The following GRM7 variants were observed in gnomAD, a reference collection of about 807,000 sequenced individuals.
GRM7 encodes the protein glutamate metabotropic receptor 7, also known as metabotropic glutamate receptor 7.
A neutral mutation model predicts 84.5 loss-of-function variants in GRM7; 35 were observed. That is an observed-to-expected ratio of 0.41 (90% CI 0.32 to 0.55). The LOEUF is 0.55. Ranked by LOEUF, GRM7 falls within the 20% of genes least tolerant of loss-of-function variation. GRM7 has a pLI of 0.19. For synonymous variants in GRM7, 487 were observed against 455.1 expected, an observed-to-expected ratio of 1.07 and a Z score of -0.89; for missense variants, 1,003 against 1,194.6, an observed-to-expected ratio of 0.84 and a Z score of 2.36.
At chr3:7,338,009 A>G (rs1027182688) in intron 4 of GRM7, among the ~76,000 whole-genome samples, 14 of 151,972 alleles carry the variant, frequency 9.2e-5, no homozygotes, top group African/African-American at 3.4e-4. Flanking sequence ...CTAAATGCCC[A>G]TCAAACAATG....
intron 2 of GRM7, among the ~76,000 whole-genome samples, chr3:7,286,367 A>G (rs1020807277): frequency 7.9e-5 from 12 of 152,216 alleles, no homozygotes; most frequent in Admixed American, 7.2e-4. Flanking sequence ...GAGAAATTAT[A>G]TGATATCCAC....
At chr3:7,229,743 ATATATATATATATATATT>A (rs1559514581) in intron 2 of GRM7, among the ~76,000 whole-genome samples, 7,973 of 44,642 alleles carry the variant, frequency 0.18, 911 homozygotes, top group Middle Eastern at 0.24. Flanking sequence ...ATATATATAT[ATATATATATATATATATT>A]TTTTTTTTTT....
chr3:7,529,998 T>G (rs560214139), intron 7 of GRM7, among the ~76,000 whole-genome samples: 123 of 152,042 alleles, frequency 8.1e-4, no homozygotes, highest in African/African-American at 2.8e-3. Flanking sequence ...ACGTGCAGGT[T>G]TGTGACATAG....
chr3:7,093,698 AAAAAAAAAAAAAAAAAG>A (rs772636075), intron 1 of GRM7, among the ~76,000 whole-genome samples: 16,866 of 128,554 alleles, frequency 0.13, 2,194 homozygotes, highest in Non-Finnish European at 0.15. Flanking sequence ...AAAAAAAAAA[AAAAAAAAAAAAAAAAAG>A]GTAGTTAGTG....
intron 7 of GRM7, among the ~76,000 whole-genome samples, chr3:7,575,970 G>A (rs1486194756): frequency 6.6e-6 from 1 of 152,132 alleles, no homozygotes; most frequent in Non-Finnish European, 1.5e-5. Flanking sequence ...ATGATAATTT[G>A]TTTATATATT....
chr3:7,576,966 C>T lies in GRM7; in HGVS notation c.1516-1456C>T, dbSNP rs543346088. On this transcript the variant is annotated intron_variant, in intron 7 of 9. Coordinates refer to ENST00000357716, the MANE Select transcript of GRM7 (RefSeq NM_000844.4). ...ATATCCAGGAGCTCAAACAAGCTCA[C>T]CAGTGATCTTTGTCTTTCCACTCAG... 6.6e-5 allele frequency among the ~76,000 whole-genome samples: 10 copies of T among 152,296 alleles called. No individual in the cohort carries two copies. In the East Asian group the frequency reaches 1.7e-3, roughly 26 times the overall value.
At position 7,680,354 on chromosome 3, in the gene GRM7, G is replaced by A. The variant is rs1700315881; in HGVS notation, c.2698+59G>A. 3.8e-6 allele frequency: 6 copies of A among 1,572,644 alleles called. No homozygotes were observed. The East Asian group carries it at 6.7e-5, about 18-fold the overall frequency. On this transcript the variant is annotated intron_variant, in intron 9 of 9. Transcript: ENST00000357716. The stretch of plus-strand genomic sequence containing the variant: ...CCTGCATCAGGAAGCTCTAGAAGAT[G>A]TGGGGTGTGCTTGCCTCTCTGGAGA...
intron 1 of GRM7, among the ~76,000 whole-genome samples, chr3:6,977,554 G>T (rs568787699): frequency 1.1e-4 from 17 of 152,216 alleles, no homozygotes; most frequent in African/African-American, 3.6e-4. Context: ...CCACTAAGTG[G>T]CAGGACCCTG....
At chr3:7,102,799 T>A (rs776339879) in intron 1 of GRM7, among the ~76,000 whole-genome samples, 1 of 151,832 alleles carries the variant, frequency 6.6e-6, no homozygotes, top group Non-Finnish European at 1.5e-5. Context: ...TTCAGTTCAA[T>A]GGCCCTTTCT....
chr3:7,198,517 A>G (rs1180279373), intron 2 of GRM7, among the ~76,000 whole-genome samples: 1 of 152,184 alleles, frequency 6.6e-6, no homozygotes, highest in Non-Finnish European at 1.5e-5. Context: ...TGATAAACCC[A>G]TTGTAAGTCT....
intron 1 of GRM7, among the ~76,000 whole-genome samples, chr3:6,914,169 T>C (rs952514956): frequency 6.6e-6 from 1 of 152,184 alleles, no homozygotes; most frequent in Non-Finnish European, 1.5e-5. Context: ...GAAAATGCTA[T>C]TCTTTCCAGG....
chr3:7,382,569 G>C (rs566741281), intron 4 of GRM7, among the ~76,000 whole-genome samples: 1 of 152,226 alleles, frequency 6.6e-6, no homozygotes, highest in South Asian at 2.1e-4. Flanking sequence ...GTTCCCTCAT[G>C]TTTGAGTTCA....
intron 6 of GRM7, among the ~76,000 whole-genome samples, chr3:7,456,973 A>C (rs1698044243): frequency 1.3e-5 from 2 of 152,204 alleles, no homozygotes; most frequent in African/African-American, 4.8e-5. Context: ...TAAAAAATCA[A>C]ATCCTAGAGA....
chr3:7,287,564 A>G (rs778620754), intron 2 of GRM7, among the ~76,000 whole-genome samples: 1 of 152,110 alleles, frequency 6.6e-6, no homozygotes, highest in African/African-American at 2.4e-5. Flanking sequence ...TAGCTGATAA[A>G]AGTCTTAAAT....
intron 9 of GRM7, among the ~76,000 whole-genome samples, chr3:7,704,342 A>T (rs1701318351): frequency 6.6e-6 from 1 of 152,200 alleles, no homozygotes; most frequent in Non-Finnish European, 1.5e-5. Flanking sequence ...TTATAAAAAA[A>T]TTCCTGGTCA....
rs183523522 is a variant in GRM7, at chr3:6,964,451, G to A, written c.519+102544G>A. ...GTGTAAGGACTTAAACAGTAAGTCC[G>A]TAACATCCCTCCTCTTCAAACTTCT... On this transcript the variant is annotated intron_variant, in intron 1 of 9. Transcript: ENST00000357716. 8.5e-3 allele frequency among the ~76,000 whole-genome samples: 1,293 copies of A among 152,222 alleles called. 12 individuals carry two copies. Among genetic ancestry groups the A allele is most frequent in the Admixed American group, 0.011 (166 of 15,282 alleles).
chr3:7,453,384 G>A (rs958987236), intron 6 of GRM7, among the ~76,000 whole-genome samples: 4 of 152,060 alleles, frequency 2.6e-5, no homozygotes, highest in Non-Finnish European at 5.9e-5. Context: ...CAATGACAGT[G>A]GCAAACCCTA....
At chr3:7,115,520 G>A (rs1183047912) in intron 1 of GRM7, among the ~76,000 whole-genome samples, 5 of 152,106 alleles carry the variant, frequency 3.3e-5, no homozygotes, top group Admixed American at 1.3e-4. Flanking sequence ...ATATTGACAA[G>A]AGCCTTTTTC....
In GRM7 at chr3:7,671,652, C is replaced by A. The variant is rs568857050; in HGVS notation, c.2452-8397C>A. On this transcript the variant is annotated intron_variant, in intron 8 of 9. Transcript: ENST00000357716. The stretch of plus-strand genomic sequence containing the variant: ...TCTATGACCAGATGCCTGTCCCACG[C>A]TATTTGGTGTGTGAGTGTATCTCTA... Among the ~76,000 whole-genome samples, 131 of 150,986 alleles carry A rather than the reference C, an allele frequency of 8.7e-4. 2 individuals carry two copies. The South Asian group carries it at 0.026, about 30-fold the overall frequency.
Sources: allele counts gnomAD v4.1 joint callset (sites outside exome capture counted in the v4.1 genomes callset), GRCh38; gene constraint gnomAD v4.1.1; transcripts MANE v1.5; gene names NCBI Gene and HGNC (gene_info 2026-07-23, HGNC 2026-07-21).